Variants in ZFYVE28 observed in about 807,000 individuals in gnomAD.
The protein encoded by ZFYVE28 is zinc finger FYVE-type containing 28.
In ZFYVE28, 40 loss-of-function variants were observed where a neutral mutation model predicts 82.1. The observed-to-expected ratio is 0.49, with a 90% confidence interval of 0.38 to 0.63. The LOEUF (loss-of-function observed/expected upper bound fraction) is 0.63, where lower values mean the gene tolerates loss of function less well. Ranked by LOEUF, ZFYVE28 falls within the 30% of genes least tolerant of loss-of-function variation. The pLI, the probability that ZFYVE28 is intolerant of heterozygous loss-of-function variation, is 0.00. For synonymous variants in ZFYVE28, 612 were observed against 546.1 expected, an observed-to-expected ratio of 1.12 and a Z score of -1.68; for missense variants, 1,321 against 1,242.1, an observed-to-expected ratio of 1.06 and a Z score of -0.96.
At chr4:2,354,344 C>T (rs186924209) in intron 1 of ZFYVE28, among the ~76,000 whole-genome samples, 2 of 152,268 alleles carry the variant, frequency 1.3e-5, no homozygotes, top group East Asian at 3.9e-4. Context: ...CTTTGCTGCA[C>T]CCCAGACACA....
intron 2 of ZFYVE28, among the ~76,000 whole-genome samples, chr4:2,351,097 G>C (rs187084158): frequency 2.6e-5 from 4 of 152,180 alleles, no homozygotes; most frequent in African/African-American, 9.7e-5. Flanking sequence ...ACCTGGACTT[G>C]GGATTGGCAT....
intron 1 of ZFYVE28, among the ~76,000 whole-genome samples, chr4:2,360,391 A>T (rs1395055261): frequency 2.4e-5 from 3 of 123,184 alleles, no homozygotes; most frequent in South Asian, 4.6e-4. Flanking sequence ...AGCTGTAATC[A>T]CACACACACA....
intron 1 of ZFYVE28, among the ~76,000 whole-genome samples, chr4:2,382,860 A>G (rs1274725500): frequency 1.3e-5 from 2 of 152,168 alleles, no homozygotes; most frequent in Non-Finnish European, 2.9e-5. Context: ...GAATCACGGC[A>G]GGAGGCAAAA....
intron 10 of ZFYVE28, 69 bp downstream of exon 10, chr4:2,273,104 A>C (rs949052601): frequency 7.7e-7 from 1 of 1,295,634 alleles, no homozygotes; most frequent in African/African-American, 1.5e-5. Flanking sequence ...ATTTCTGAGC[A>C]CCCCTCCCTG....
At chr4:2,338,010 G>A (rs999703497) in intron 4 of ZFYVE28, among the ~76,000 whole-genome samples, 5 of 152,182 alleles carry the variant, frequency 3.3e-5, no homozygotes, top group African/African-American at 1.2e-4. Context: ...CCAGCTCCCA[G>A]GGCTCACCCT....
chr4:2,295,793 C>T (rs1165307915), intron 8 of ZFYVE28: 2 of 152,364 alleles, frequency 1.3e-5, no homozygotes, highest in Non-Finnish European at 2.9e-5. Flanking sequence ...CACTGGCACC[C>T]TTCACCTCAT....
chr4:2,385,043 A>G (rs1729107729), intron 1 of ZFYVE28, among the ~76,000 whole-genome samples: 2 of 152,228 alleles, frequency 1.3e-5, no homozygotes, highest in Admixed American at 6.5e-5. Context: ...TCACCTTTGA[A>G]GCCATGCATA....
intron 9 of ZFYVE28, among the ~76,000 whole-genome samples, chr4:2,273,847 C>T (rs1736144499): frequency 6.6e-6 from 1 of 152,086 alleles, no homozygotes; most frequent in South Asian, 2.1e-4. Flanking sequence ...GAGGAAAACG[C>T]CTCCCACCCT....
intron 1 of ZFYVE28, among the ~76,000 whole-genome samples, chr4:2,404,314 A>AAAAAG (rs1211594141): frequency 4.0e-5 from 3 of 74,506 alleles, no homozygotes; most frequent in Non-Finnish European, 5.5e-5. Flanking sequence ...CGCCTCAAAA[A>AAAAAG]AAAAAAAAAA....
Position 2,297,495 on chromosome 4 carries a change from G to A in ZFYVE28, c.2051+6794C>T, listed in dbSNP as rs533561486. ...AGGCCAGGACCCACTGTCCGGGAGCGAGGTCATGAAGCGCCACTGCAATGC... is the reference window on the plus strand; with the variant it reads ...AGGCCAGGACCCACTGTCCGGGAGCAAGGTCATGAAGCGCCACTGCAATGC... On this transcript the variant is annotated intron_variant, in intron 8 of 12. Coordinates refer to ENST00000290974, the MANE Select transcript of ZFYVE28 (RefSeq NM_020972.3). Among the ~76,000 whole-genome samples, 71 of 152,356 alleles carry A rather than the reference G, an allele frequency of 4.7e-4. 2 individuals carry two copies. In the South Asian group the frequency reaches 0.014, roughly 30 times the overall value.
At chr4:2,322,345 T>C (rs932096535) in intron 6 of ZFYVE28, among the ~76,000 whole-genome samples, 2 of 152,208 alleles carry the variant, frequency 1.3e-5, no homozygotes, top group African/African-American at 2.4e-5. Flanking sequence ...GTGGGTCCAA[T>C]GCAGCCGCTG....
rs1489085987 is a variant in ZFYVE28, at chr4:2,339,656, C to T, written c.319-1G>A. ...TGATGATGGAGCCGGCGGCCAGGCA[C>T]TGCGGGAGGGGACACACTCAGGGAG... On this transcript the variant is annotated splice_acceptor_variant, in intron 3 of 12. Coordinates refer to ENST00000290974, the MANE Select transcript of ZFYVE28 (RefSeq NM_020972.3). LOFTEE classifies it high-confidence loss of function. This position sits in a 1 kb window ranked among gnomAD's most constrained non-coding sequence, Gnocchi z 5.0. 1 of 1,592,934 alleles carries T rather than the reference C, an allele frequency of 6.3e-7. No individual in the cohort carries two copies. Among genetic ancestry groups the T allele is most frequent in the Admixed American group, 1.7e-5 (1 of 57,534 alleles).
intron 1 of ZFYVE28, among the ~76,000 whole-genome samples, chr4:2,370,394 C>T (rs1355095932): frequency 6.6e-6 from 1 of 152,162 alleles, no homozygotes; most frequent in Admixed American, 6.5e-5. Context: ...CAGAGCTGGC[C>T]GAGCTGCCCA....
intron 6 of ZFYVE28, chr4:2,330,599 G>C: frequency 7.8e-7 from 1 of 1,286,036 alleles, no homozygotes; most frequent in Non-Finnish European, 9.9e-7. Context: ...TAGCATAGAG[G>C]AGGGAACAGC....
In ZFYVE28 at chr4:2,304,352, G is replaced by A. The variant is rs1716160118; in HGVS notation, c.1988C>T (p.Ala663Val). 4 of 1,609,070 alleles carry A rather than the reference G, an allele frequency of 2.5e-6. No individual in the cohort carries two copies. The highest frequency in any genetic ancestry group is 1.7e-5 in the Admixed American group (1 of 60,008). Residue 663 changes from alanine (A) to valine (V), a missense_variant, in exon 8 of 13, where the codon GCC becomes GTC. By Grantham distance (64) the Ala-to-Val change is moderately conservative (BLOSUM62 0). Coordinates refer to ENST00000290974, the MANE Select transcript of ZFYVE28 (RefSeq NM_020972.3). ...GGGGCTCCCAGCATGCAGCTCTCTG[G>A]CCTCTGGCTCCTGCTGACCTGCAAC... is the stretch of plus-strand genomic sequence containing the variant. ...AGVAGQQEPEARELHAGSPSA... is the reference protein window; with the variant it reads ...AGVAGQQEPEVRELHAGSPSA...
At chr4:2,387,553 G>A (rs747696778) in intron 1 of ZFYVE28, among the ~76,000 whole-genome samples, 1 of 152,338 alleles carries the variant, frequency 6.6e-6, no homozygotes, top group South Asian at 2.1e-4. Flanking sequence ...TGCCTTTCCA[G>A]GGAGAGCACA....
chr4:2,278,787 G>A (rs556889419), intron 8 of ZFYVE28, among the ~76,000 whole-genome samples: 4 of 151,412 alleles, frequency 2.6e-5, no homozygotes, highest in South Asian at 4.2e-4. Flanking sequence ...AATGGAAAAC[G>A]GATTTGAATA....
Position 2,335,230 on chromosome 4 carries a change from A to G in ZFYVE28, c.701+475T>C, listed in dbSNP as rs151049022. Among the ~76,000 whole-genome samples the G allele has an allele frequency of 3.0e-3, 457 of 151,614 alleles. 2 individuals are homozygous for G. The highest frequency in any genetic ancestry group is 0.014 in the Middle Eastern group (4 of 294). On this transcript the variant is annotated intron_variant, in intron 6 of 12. Transcript: ENST00000290974. This position sits in a 1 kb window ranked among gnomAD's most constrained non-coding sequence, Gnocchi z 5.8. ...CTGCCCCCACCTGCCCTTCAACCCA[A>G]TGTGCTTCACCTCCCTGCCAGCCCC...
At chr4:2,333,261 CCTCCCTCCCCAAGCTGCCCCCCCA>C (rs1721016850) in intron 6 of ZFYVE28, among the ~76,000 whole-genome samples, 1 of 136,958 alleles carries the variant, frequency 7.3e-6, no homozygotes, top group East Asian at 2.5e-4. Flanking sequence ...CACTCCCCCA[CCTCCCTCCCCAAGCTGCCCCCCCA>C]CCTCCCTCCT....
Sources: gnomAD v4.1 joint callset for allele counts (sites outside exome capture counted in the v4.1 genomes callset) on GRCh38, gnomAD v4.1.1 for gene constraint, Gnocchi (gnomAD v3.1) non-coding constraint, MANE v1.5 for transcripts, NCBI Gene and HGNC (gene_info 2026-07-23, HGNC 2026-07-21) for gene names.